Variants in IL1RAPL2 observed in about 807,000 individuals in gnomAD.
The protein encoded by IL1RAPL2 is interleukin 1 receptor accessory protein like 2.
In IL1RAPL2, 3 loss-of-function variants were observed where a neutral mutation model predicts 44.1. The observed-to-expected ratio is 0.07, with a 90% CI of 0.03 to 0.18. IL1RAPL2 has a LOEUF of 0.18. Among genes scored for constraint, IL1RAPL2 ranks in the 10% least tolerant of loss-of-function variants. IL1RAPL2 has a pLI of 1.00. For synonymous variants in IL1RAPL2, 181 were observed against 178.8 expected (o/e 1.01, Z -0.10); for missense variants, 391 against 496.4 (o/e 0.79, Z 2.02).
At chrX:104,606,525 A>G (rs190009921) in intron 1 of IL1RAPL2, among the ~76,000 whole-genome samples, 16 of 112,097 alleles carry the variant, frequency 1.4e-4, no homozygotes, top group Middle Eastern at 4.6e-3. Context: ...GAGGAATTCA[A>G]ATTGTCTCTG....
chrX:104,959,834 C>T (rs1255731276), intron 2 of IL1RAPL2, among the ~76,000 whole-genome samples: 2 of 111,539 alleles, frequency 1.8e-5, no homozygotes, highest in Non-Finnish European at 3.8e-5. Context: ...TGCTTTCTTT[C>T]TTTGTCCAAA....
chrX:104,853,966 T>G (rs1013279831), intron 2 of IL1RAPL2, among the ~76,000 whole-genome samples: 32 of 104,958 alleles, frequency 3.0e-4, no homozygotes, highest in Non-Finnish European at 5.3e-4. Context: ...GTGAAAAAAG[T>G]ATAGAACCAG....
At chrX:105,255,108 G>A (rs1433539551) in intron 4 of IL1RAPL2, among the ~76,000 whole-genome samples, 1 of 111,673 alleles carries the variant, frequency 9.0e-6, no homozygotes, top group Admixed American at 9.5e-5. Flanking sequence ...GATAGGAATA[G>A]CATTGAATCT....
At chrX:105,186,230 T>C (rs782118888) in intron 2 of IL1RAPL2, among the ~76,000 whole-genome samples, 1 of 110,659 alleles carries the variant, frequency 9.0e-6, no homozygotes, top group East Asian at 2.8e-4. Flanking sequence ...CAGTAAGACC[T>C]CCTAAGTTTC....
chrX:105,109,334 T>C (rs1173644167), intron 2 of IL1RAPL2, among the ~76,000 whole-genome samples: 1 of 112,395 alleles, frequency 8.9e-6, no homozygotes, highest in African/African-American at 3.2e-5. Context: ...TCATTCATAA[T>C]ACCCAAAACG....
chrX:105,525,071 C>A (rs1363498272), intron 6 of IL1RAPL2, among the ~76,000 whole-genome samples: 1 of 111,076 alleles, frequency 9.0e-6, no homozygotes. Context: ...CACATTGTGA[C>A]CCACTTGATA....
intron 2 of IL1RAPL2, among the ~76,000 whole-genome samples, chrX:104,870,503 C>CA (rs1252150897): frequency 8.9e-6 from 1 of 112,390 alleles, no homozygotes; most frequent in African/African-American, 3.2e-5. Flanking sequence ...AACCAAGAAT[C>CA]AGAGATGTTA....
chrX:105,195,385 C>A, intron 2 of IL1RAPL2, 90 bp from the exon 3 acceptor site: 1 of 840,579 alleles, frequency 1.2e-6, no homozygotes, highest in Non-Finnish European at 1.8e-6. Context: ...CTATGTGGAG[C>A]ACTTAGGACA....
At chrX:104,745,706 ATT>A in intron 2 of IL1RAPL2, among the ~76,000 whole-genome samples, 1 of 111,867 alleles carries the variant, frequency 8.9e-6, no homozygotes, top group Admixed American at 9.5e-5. Context: ...ATTAAGCAAA[ATT>A]TTATTTTAAA....
intron 3 of IL1RAPL2, chrX:105,219,010 G>C (rs201937604): frequency 2.4e-4 from 290 of 1,209,258 alleles, no homozygotes; most frequent in Non-Finnish European, 3.0e-4. Context: ...GTCGAAGCAA[G>C]TATCCCTCCG....
chrX:105,058,978 A>T (rs888931680), intron 2 of IL1RAPL2, among the ~76,000 whole-genome samples: 2 of 111,836 alleles, frequency 1.8e-5, no homozygotes, highest in African/African-American at 6.5e-5. Context: ...TGTATAACTT[A>T]AAAAAATGTG....
At chrX:104,739,327 A>G (rs1003676456) in intron 2 of IL1RAPL2, among the ~76,000 whole-genome samples, 6 of 112,415 alleles carry the variant, frequency 5.3e-5, no homozygotes, top group African/African-American at 1.9e-4. Context: ...TTATTTTTAA[A>G]AAAACAGGCT....
At chrX:104,848,123 A>G (rs1922107973) in intron 2 of IL1RAPL2, among the ~76,000 whole-genome samples, 1 of 110,246 alleles carries the variant, frequency 9.1e-6, no homozygotes, top group Non-Finnish European at 1.9e-5. Context: ...TAAATATACA[A>G]TCATGTCATC....
At chrX:104,702,399 A>G (rs986659400) in intron 2 of IL1RAPL2, among the ~76,000 whole-genome samples, 1 of 111,783 alleles carries the variant, frequency 8.9e-6, no homozygotes, top group African/African-American at 3.2e-5. Flanking sequence ...CTTAATCACA[A>G]GGACATGCCA....
chrX:104,828,040 G>T (rs1360257078), intron 2 of IL1RAPL2, among the ~76,000 whole-genome samples: 4 of 111,347 alleles, frequency 3.6e-5, no homozygotes. Flanking sequence ...CTTTTTTCAA[G>T]GTTCTTAGCT....
rs1929186429 is a variant in IL1RAPL2, at chrX:104,612,660, CTTTT to C, written c.-20+45612_-20+45615del. Reference sequence around the variant, plus strand: ...TAGGATTGCTTTGGGTAGTCAATCTCTTTTTTGTTTCCATTTGAATTTTTGAATA... The same window carrying C: ...TAGGATTGCTTTGGGTAGTCAATCTCTTGTTTCCATTTGAATTTTTGAATA... On this transcript the variant is annotated intron_variant, in intron 1 of 10. Transcript: ENST00000372582. Among the ~76,000 whole-genome samples, 4 of 103,942 alleles carry C rather than the reference CTTTT, an allele frequency of 3.8e-5. No individual in the cohort carries two copies. The South Asian group carries it at 1.7e-3, about 45-fold the overall frequency. The allele number at this position is 103,942 out of a possible 115,157, so 90.3% of individuals were successfully genotyped here.
At chrX:104,718,250 A>C (rs1931614701) in intron 2 of IL1RAPL2, among the ~76,000 whole-genome samples, 1 of 111,225 alleles carries the variant, frequency 9.0e-6, no homozygotes, top group Non-Finnish European at 1.9e-5. Context: ...ATTTCTCCAC[A>C]TCCTCTCCAG....
chrX:104,869,827 C>T, intron 2 of IL1RAPL2, among the ~76,000 whole-genome samples: 1 of 111,883 alleles, frequency 8.9e-6, no homozygotes, highest in East Asian at 2.8e-4. Flanking sequence ...TTTGTGAGGC[C>T]CAGTTCCCAC....
intron 6 of IL1RAPL2, among the ~76,000 whole-genome samples, chrX:105,594,553 T>C (rs377703223): frequency 8.9e-6 from 1 of 112,047 alleles, no homozygotes; most frequent in Non-Finnish European, 1.9e-5. Flanking sequence ...ATTATTATTC[T>C]TATTTTTTTA....
Sources: allele counts gnomAD v4.1 joint callset (sites outside exome capture counted in the v4.1 genomes callset), GRCh38; gene constraint gnomAD v4.1.1; transcripts MANE v1.5; gene names NCBI Gene and HGNC (gene_info 2026-07-23, HGNC 2026-07-21).